The following ZNF407 variants were observed in gnomAD, a reference collection of about 807,000 sequenced individuals.
The protein encoded by ZNF407 is zinc finger protein 407.
In ZNF407, 17 loss-of-function variants were observed where a neutral mutation model predicts 131.2. The ratio of observed to expected loss-of-function variants is 0.13; its 90% CI spans 0.09 to 0.19. The LOEUF (loss-of-function observed/expected upper bound fraction) is 0.19, where lower values mean the gene tolerates loss of function less well. Among genes scored for constraint, ZNF407 ranks in the 10% least tolerant of loss-of-function variants. The pLI is 1.00. For synonymous variants in ZNF407, 1,156 were observed against 1,062.0 expected (o/e 1.09, Z -1.72); for missense variants, 2,681 against 2,830.6 (o/e 0.95, Z 1.20).
At chr18:74,806,832 G>A (rs1599167688) in intron 4 of ZNF407, among the ~76,000 whole-genome samples, 1 of 152,234 alleles carries the variant, frequency 6.6e-6, no homozygotes, top group Non-Finnish European at 1.5e-5. Context: ...TCCCAGCAGA[G>A]TGCTTGACAT....
At chr18:74,979,242 C>T (rs1972561333) in intron 8 of ZNF407, among the ~76,000 whole-genome samples, 1 of 152,094 alleles carries the variant, frequency 6.6e-6, no homozygotes, top group South Asian at 2.1e-4. Context: ...TGGCAGAGTA[C>T]AGGCATTCAA....
intron 4 of ZNF407, among the ~76,000 whole-genome samples, chr18:74,783,215 T>G (rs1969641483): frequency 6.6e-6 from 1 of 152,192 alleles, no homozygotes; most frequent in African/African-American, 2.4e-5. Context: ...AATACAATAA[T>G]AATTTATTCA....
At chr18:75,021,271 A>T (rs560638144) in intron 8 of ZNF407, among the ~76,000 whole-genome samples, 7,328 of 105,576 alleles carry the variant, frequency 0.069, 232 homozygotes, top group Admixed American at 0.12. Flanking sequence ...CATTCTTTTT[A>T]AAAAAAAAAA....
intron 3 of ZNF407, among the ~76,000 whole-genome samples, chr18:74,755,928 C>G (rs1968950858): frequency 2.2e-5 from 2 of 91,680 alleles, no homozygotes; most frequent in Non-Finnish European, 3.8e-5. Flanking sequence ...GAGTCTAACT[C>G]TGTTGCCCAG....
In ZNF407 at chr18:74,913,742, A is replaced by G. The variant is rs190343969; in HGVS notation, c.5250-6772A>G. Among the ~76,000 whole-genome samples, 4 of 152,250 alleles carry G rather than the reference A, an allele frequency of 2.6e-5. No homozygotes were observed. In the East Asian group the frequency reaches 5.8e-4, roughly 22 times the overall value. ...GGTATAATTTTAACAACCAAAATAA[A>G]CATCAAATTTTTTACAACTCCTTTC... On this transcript the variant is annotated intron_variant, in intron 7 of 8. Coordinates refer to ENST00000299687, the MANE Select transcript of ZNF407 (RefSeq NM_017757.3).
At chr18:74,824,923 G>T (rs147306868) in intron 4 of ZNF407, among the ~76,000 whole-genome samples, 31 of 152,136 alleles carry the variant, frequency 2.0e-4, no homozygotes, top group East Asian at 1.9e-3. Context: ...AAAAAGTTCA[G>T]GCCAGTATCC....
At chr18:75,004,766 C>T (rs1277063421) in intron 8 of ZNF407, among the ~76,000 whole-genome samples, 1 of 152,190 alleles carries the variant, frequency 6.6e-6, no homozygotes, top group Non-Finnish European at 1.5e-5. Context: ...CATCATTTTT[C>T]AACCCTGTGT....
intron 3 of ZNF407, among the ~76,000 whole-genome samples, chr18:74,674,232 A>C (rs984329307): frequency 6.6e-6 from 1 of 152,164 alleles, no homozygotes; most frequent in Non-Finnish European, 1.5e-5. Context: ...CGCTGAAACC[A>C]GTGCTGTGCT....
Position 74,745,939 on chromosome 18 carries a change from C to T in ZNF407, c.4803-35489C>T, listed in dbSNP as rs570228107. 2.6e-5 allele frequency among the ~76,000 whole-genome samples: 4 copies of T among 152,212 alleles called. No individual in the cohort carries two copies. In the East Asian group the frequency reaches 7.7e-4, roughly 29 times the overall value. ...CTTCTTTATTAGTTGGTTTATCACT[C>T]CAACTTAAATACAGTCATGTGCTGA... On this transcript the variant is annotated intron_variant, in intron 3 of 8. Coordinates refer to ENST00000299687, the MANE Select transcript of ZNF407 (RefSeq NM_017757.3).
intron 4 of ZNF407, among the ~76,000 whole-genome samples, chr18:74,848,129 A>G (rs1970728171): frequency 6.6e-6 from 1 of 152,206 alleles, no homozygotes. Flanking sequence ...TTTCACAGAC[A>G]TACATTGTTT....
intron 8 of ZNF407, among the ~76,000 whole-genome samples, chr18:74,930,907 A>C (rs1453838572): frequency 6.6e-6 from 1 of 152,186 alleles, no homozygotes; most frequent in East Asian, 1.9e-4. Context: ...TGGTAGTTAT[A>C]AGCCAAGATA....
In ZNF407 at chr18:75,048,455, C is replaced by T. The variant is rs1973460474; in HGVS notation, c.5429-14695C>T. ...CTTTGCTCAGCTTGGTTCTCAGCCT[C>T]CCACGCAGCACCCAGGTGACTTCAA... On this transcript the variant is annotated intron_variant, in intron 8 of 8. Transcript: ENST00000299687. The surrounding 1 kb of genome is among the most constrained non-coding windows in gnomAD (Gnocchi z 4.1). 6.6e-6 allele frequency among the ~76,000 whole-genome samples: 1 copy of T among 152,164 alleles called. No individual in the cohort carries two copies. The highest frequency in any genetic ancestry group is 1.5e-5 in the Non-Finnish European group (1 of 68,042).
intron 8 of ZNF407, among the ~76,000 whole-genome samples, chr18:74,981,752 A>G (rs1243214619): frequency 6.6e-6 from 1 of 152,226 alleles, no homozygotes; most frequent in Non-Finnish European, 1.5e-5. Context: ...AGTCCTGAGC[A>G]TGGTGGTTTC....
At position 74,765,892 on chromosome 18, in the gene ZNF407, A is replaced by AT. The variant is rs199682212; in HGVS notation, c.4803-15527dup. Among the ~76,000 whole-genome samples the AT allele has an allele frequency of 2.7e-3, 412 of 150,998 alleles. 2 individuals are homozygous for AT. The highest frequency in any genetic ancestry group is 9.2e-3 in the African/African-American group (380 of 41,104). Reference sequence around the variant, plus strand: ...AGTTGTTATTTCATACATTTTTTGGATTTTTTTTTAATCAATGGGAAGGAT... The same window carrying AT: ...AGTTGTTATTTCATACATTTTTTGGATTTTTTTTTTAATCAATGGGAAGGAT... On this transcript the variant is annotated intron_variant, in intron 3 of 8. Coordinates refer to ENST00000299687, the MANE Select transcript of ZNF407 (RefSeq NM_017757.3).
chr18:74,638,295 T>G (rs993681492), intron 2 of ZNF407, among the ~76,000 whole-genome samples: 14 of 152,234 alleles, frequency 9.2e-5, no homozygotes, highest in Non-Finnish European at 1.9e-4. Context: ...CTTAACATTG[T>G]TCACTGCTTC....
intron 8 of ZNF407, among the ~76,000 whole-genome samples, chr18:75,023,316 T>A (rs1195706738): frequency 6.6e-6 from 1 of 152,148 alleles, no homozygotes; most frequent in Non-Finnish European, 1.5e-5. Context: ...ACTTAGCATA[T>A]GTCATATATT....
intron 8 of ZNF407, among the ~76,000 whole-genome samples, chr18:75,021,244 T>G (rs1364178911): frequency 6.6e-6 from 1 of 151,864 alleles, no homozygotes; most frequent in Non-Finnish European, 1.5e-5. Context: ...TTTGTGTGTT[T>G]TATATAATAC....
chr18:74,982,784 C>T (rs1331898223), intron 8 of ZNF407, among the ~76,000 whole-genome samples: 1 of 152,088 alleles, frequency 6.6e-6, no homozygotes, highest in Non-Finnish European at 1.5e-5. Flanking sequence ...CTGGTGGTTC[C>T]AAATTATGTA....
intron 4 of ZNF407, among the ~76,000 whole-genome samples, chr18:74,800,960 GT>G (rs150755503): frequency 4.0e-5 from 6 of 150,554 alleles, no homozygotes; most frequent in Middle Eastern, 6.9e-3. Context: ...TCATTATACC[GT>G]TTTTTTTTAA....
Sources: allele counts gnomAD v4.1 joint callset (sites outside exome capture counted in the v4.1 genomes callset), GRCh38; gene constraint gnomAD v4.1.1; non-coding constraint Gnocchi (gnomAD v3.1); transcripts MANE v1.5; gene names NCBI Gene and HGNC (gene_info 2026-07-23, HGNC 2026-07-21).